NCAM2: variants seen among roughly 807,000 people sequenced by gnomAD.
NCAM2 encodes the protein N-CAM-2.
In NCAM2, 30 loss-of-function variants were observed where a neutral mutation model predicts 98.1. That is an observed-to-expected ratio of 0.31 (90% CI 0.23 to 0.41). The LOEUF is 0.41. Ranked by LOEUF, NCAM2 falls within the 10% of genes least tolerant of loss-of-function variation. The pLI is 1.00. For missense variants in NCAM2, 867 were observed against 1,005.8 expected, an observed-to-expected ratio of 0.86 and a Z score of 1.87; for synonymous variants, 368 against 342.4, an observed-to-expected ratio of 1.07 and a Z score of -0.83.
At chr21:21,298,071 A>AT (rs1339965656) in intron 5 of NCAM2, among the ~76,000 whole-genome samples, 1 of 151,748 alleles carries the variant, frequency 6.6e-6, no homozygotes, top group African/African-American at 2.4e-5. Context: ...GCACTTTGTT[A>AT]TCTCAGTAAC....
intron 15 of NCAM2, among the ~76,000 whole-genome samples, chr21:21,501,981 C>A (rs1245950603): frequency 6.6e-6 from 1 of 151,862 alleles, no homozygotes; most frequent in Non-Finnish European, 1.5e-5. Flanking sequence ...TAATTAGATA[C>A]CTTCCAAATT....
At chr21:21,029,979 A>G (rs1474938769) in intron 1 of NCAM2, among the ~76,000 whole-genome samples, 1 of 152,180 alleles carries the variant, frequency 6.6e-6, no homozygotes, top group Non-Finnish European at 1.5e-5. Context: ...TCTGCAATAA[A>G]TTTCATGTAA....
chr21:21,394,628 A>T (rs903590030), intron 9 of NCAM2, among the ~76,000 whole-genome samples: 1 of 151,526 alleles, frequency 6.6e-6, no homozygotes, highest in Non-Finnish European at 1.5e-5. Flanking sequence ...AGCTGGGACT[A>T]CAGGTGCCCG....
intron 16 of NCAM2, among the ~76,000 whole-genome samples, chr21:21,530,243 ATTAATTATATATAATTTAAT>A (rs1402242544): frequency 0.048 from 2,520 of 52,716 alleles, 113 homozygotes; most frequent in South Asian, 0.14. Context: ...TTTAATTTAA[ATTAATTATATATAATTTAAT>A]TTAATTATAT....
At chr21:21,209,038 G>A (rs1750015221) in intron 1 of NCAM2, among the ~76,000 whole-genome samples, 2 of 151,946 alleles carry the variant, frequency 1.3e-5, no homozygotes, top group Admixed American at 1.3e-4. Context: ...AAATAATTCT[G>A]AATCTGTGAA....
chr21:21,225,579 A>G (rs1027378738), intron 1 of NCAM2, among the ~76,000 whole-genome samples: 1 of 152,096 alleles, frequency 6.6e-6, no homozygotes, highest in African/African-American at 2.4e-5. Flanking sequence ...CAGGGGTCAG[A>G]ATATGTCTGC....
intron 1 of NCAM2, among the ~76,000 whole-genome samples, chr21:21,203,780 A>G (rs568224687): frequency 1.3e-4 from 20 of 152,270 alleles, no homozygotes; most frequent in Admixed American, 1.0e-3. Flanking sequence ...ATTACTTCTT[A>G]AAGTGTGTAG....
At chr21:21,372,745 A>G (rs1219874043) in intron 8 of NCAM2, among the ~76,000 whole-genome samples, 1 of 151,780 alleles carries the variant, frequency 6.6e-6, no homozygotes, top group East Asian at 1.9e-4. Flanking sequence ...ACTTGGGCAC[A>G]GTGTCTGTTT....
intron 1 of NCAM2, among the ~76,000 whole-genome samples, chr21:21,242,240 T>C (rs1258739305): frequency 5.3e-4 from 4 of 7,564 alleles, no homozygotes; most frequent in African/African-American, 1.1e-3. Flanking sequence ...TTGTATATAT[T>C]TATGTGATAC....
intron 12 of NCAM2, among the ~76,000 whole-genome samples, chr21:21,459,886 T>C (rs911743584): frequency 2.0e-5 from 3 of 151,854 alleles, no homozygotes; most frequent in African/African-American, 4.8e-5. Context: ...GAAATGTAAC[T>C]ATAGTTAACA....
intron 1 of NCAM2, among the ~76,000 whole-genome samples, chr21:21,107,109 A>T (rs990180991): frequency 1.3e-5 from 2 of 152,150 alleles, no homozygotes; most frequent in Non-Finnish European, 2.9e-5. Flanking sequence ...GGTTTATTGG[A>T]GTTCTTAAAA....
At chr21:21,229,951 A>G (rs1038856316) in intron 1 of NCAM2, among the ~76,000 whole-genome samples, 1 of 151,468 alleles carries the variant, frequency 6.6e-6, no homozygotes, top group Non-Finnish European at 1.5e-5. Context: ...ATCATATAAC[A>G]TTATTAAAAT....
intron 15 of NCAM2, among the ~76,000 whole-genome samples, chr21:21,496,108 A>T (rs996760240): frequency 6.6e-6 from 1 of 151,236 alleles, no homozygotes; most frequent in Non-Finnish European, 1.5e-5. Flanking sequence ...GGGTGGAATG[A>T]TTTATATCTT....
intron 6 of NCAM2, among the ~76,000 whole-genome samples, chr21:21,331,514 T>TATATACATATATATATA (rs71195320): frequency 0.018 from 87 of 4,764 alleles, 30 homozygotes; most frequent in Non-Finnish European, 0.037. Flanking sequence ...ATACTCTCTC[T>TATATACATATATATATA]CTCTATATAT....
intron 1 of NCAM2, among the ~76,000 whole-genome samples, chr21:21,088,985 A>G (rs2065960025): frequency 6.6e-6 from 1 of 151,838 alleles, no homozygotes; most frequent in African/African-American, 2.4e-5. Flanking sequence ...AAAAAAAAGA[A>G]GAGACATCCA....
intron 1 of NCAM2, among the ~76,000 whole-genome samples, chr21:21,070,157 A>G (rs953500701): frequency 1.3e-5 from 2 of 152,076 alleles, no homozygotes; most frequent in South Asian, 4.1e-4. Context: ...ATAAAGATCA[A>G]GCTCCAGACA....
intron 15 of NCAM2, among the ~76,000 whole-genome samples, chr21:21,481,666 G>A (rs1985897907): frequency 1.3e-5 from 2 of 152,226 alleles, no homozygotes; most frequent in Non-Finnish European, 2.9e-5. Flanking sequence ...GAGTCGTGGA[G>A]CAATCACACA....
At chr21:21,266,757 A>G (rs2072297044) in intron 1 of NCAM2, among the ~76,000 whole-genome samples, 2 of 152,108 alleles carry the variant, frequency 1.3e-5, no homozygotes, top group East Asian at 1.9e-4. Flanking sequence ...GCATTAGGAG[A>G]TATACCTAAT....
intron 13 of NCAM2, among the ~76,000 whole-genome samples, chr21:21,467,675 A>C (rs937596368): frequency 2.0e-5 from 3 of 151,606 alleles, no homozygotes; most frequent in East Asian, 3.9e-4. Context: ...GTAAAACCCT[A>C]TCTCTCCAAA....
Sources: gnomAD v4.1 joint callset for allele counts (sites outside exome capture counted in the v4.1 genomes callset) on GRCh38, gnomAD v4.1.1 for gene constraint, MANE v1.5 for transcripts, NCBI Gene and HGNC (gene_info 2026-07-23, HGNC 2026-07-21) for gene names.